Variants in PCDHA11 observed in about 807,000 individuals in gnomAD.
PCDHA11 encodes protocadherin alpha 11.
PCDHA11 carries 61 observed loss-of-function variants against 70.3 expected under a neutral mutation model. That is an observed-to-expected ratio of 0.87 (90% CI 0.71 to 1.07). The LOEUF (loss-of-function observed/expected upper bound fraction) is 1.07, where lower values mean the gene tolerates loss of function less well. PCDHA11 is among the 50% of genes least tolerant of loss of function. PCDHA11 has a pLI of 0.00. For missense variants in PCDHA11, 1,324 were observed against 1,237.5 expected, an observed-to-expected ratio of 1.07 and a Z score of -1.05; for synonymous variants, 633 against 555.1, an observed-to-expected ratio of 1.14 and a Z score of -1.97.
At chr5:141,000,421 ATTT>A (rs34755515) in intron 3 of PCDHA11, among the ~76,000 whole-genome samples, 361 of 27,888 alleles carry the variant, frequency 0.013, no homozygotes, top group East Asian at 0.018. Context: ...ATATATATAT[ATTT>A]TTTTTTTTTT....
At chr5:140,936,347 G>A (rs2090928614) in intron 1 of PCDHA11, among the ~76,000 whole-genome samples, 1 of 152,066 alleles carries the variant, frequency 6.6e-6, no homozygotes, top group South Asian at 2.1e-4. Flanking sequence ...CTGCATATAT[G>A]GAATGTGTAG....
intron 3 of PCDHA11, among the ~76,000 whole-genome samples, chr5:140,997,565 A>G (rs552009994): frequency 6.6e-6 from 1 of 152,292 alleles, no homozygotes; most frequent in South Asian, 2.1e-4. Flanking sequence ...CAACTGTCAT[A>G]TGTGTGGTCC....
chr5:140,984,386 A>G (rs2097099955), intron 3 of PCDHA11, among the ~76,000 whole-genome samples: 1 of 152,202 alleles, frequency 6.6e-6, no homozygotes, highest in South Asian at 2.1e-4. Flanking sequence ...TTCAGATTCA[A>G]AAAATGTTGA....
rs555714516 is a variant in PCDHA11, at chr5:140,983,025, A to T, written c.2539+462A>T. Among the ~76,000 whole-genome samples the T allele has an allele frequency of 9.9e-5, 15 of 151,964 alleles. 1 individual carries two copies. The South Asian group carries it at 2.9e-3, about 29-fold the overall frequency. ...AAGAAAAAGGAAGGAAGGAAGGAAG[A>T]TGGTTTCTCATGGAAGTGGAAAATT... On this transcript the variant is annotated intron_variant, in intron 3 of 3. Coordinates refer to ENST00000398640, the MANE Select transcript of PCDHA11 (RefSeq NM_018902.5).
intron 1 of PCDHA11, among the ~76,000 whole-genome samples, chr5:140,879,820 T>C (rs917285977): frequency 6.6e-6 from 1 of 152,232 alleles, no homozygotes; most frequent in Non-Finnish European, 1.5e-5. Flanking sequence ...CTGTTGGTGT[T>C]CCCTGGCTTG....
chr5:140,981,141 A>G (rs957272254), intron 2 of PCDHA11, among the ~76,000 whole-genome samples: 2 of 152,242 alleles, frequency 1.3e-5, no homozygotes, highest in African/African-American at 4.8e-5. Flanking sequence ...AAAGAGTGAG[A>G]AAACATTGAA....
At chr5:140,918,853 C>T (rs1348069562) in intron 1 of PCDHA11, among the ~76,000 whole-genome samples, 4 of 152,134 alleles carry the variant, frequency 2.6e-5, no homozygotes, top group Non-Finnish European at 5.9e-5. Context: ...CTGCTGGTGC[C>T]TGAATCATGA....
At chr5:140,967,150 C>T (rs1400431511) in intron 1 of PCDHA11, 1 of 1,611,004 alleles carries the variant, frequency 6.2e-7, no homozygotes, top group Non-Finnish European at 8.5e-7. Context: ...CGCACAACCC[C>T]GTGGCGGTGA....
rs782754440 is a variant in PCDHA11, at chr5:140,869,396, A to G, written c.293A>G (p.Gln98Arg). 3.2e-5 allele frequency: 51 copies of G among 1,614,230 alleles called. No homozygotes were observed. The highest frequency in any genetic ancestry group is 1.6e-4 in the Middle Eastern group (1 of 6,062). The change falls in exon 1 of 4, where the codon CAG (glutamine) becomes CGG (arginine). Residue 98 changes from glutamine (Q) to arginine (R), a missense_variant. Transcript: ENST00000398640. The part of the protein sequence containing the change: ...SRIDREELCG[Q>R]SAECSIHLEV... ...ATCGACCGCGAGGAGCTGTGCGGGC[A>G]GAGCGCGGAGTGCAGCATCCACCTG...
intron 3 of PCDHA11, among the ~76,000 whole-genome samples, chr5:140,999,034 T>A (rs953509791): frequency 6.6e-6 from 1 of 152,210 alleles, no homozygotes; most frequent in East Asian, 1.9e-4. Flanking sequence ...TGATACTTCG[T>A]CCAGTGTGCT....
At chr5:141,005,701 C>CA (rs59860837) in intron 3 of PCDHA11, among the ~76,000 whole-genome samples, 506 of 7,758 alleles carry the variant, frequency 0.065, 109 homozygotes, top group Non-Finnish European at 0.076. Context: ...AACTCCGTCT[C>CA]AAAAAAAAAA....
At chr5:140,877,992 A>G (rs572306139) in intron 1 of PCDHA11, 7 of 1,096,526 alleles carry the variant, frequency 6.4e-6, no homozygotes, top group Non-Finnish European at 8.6e-6. Flanking sequence ...TTGAACTTTT[A>G]TGTATTTGTC....
intron 1 of PCDHA11, among the ~76,000 whole-genome samples, chr5:140,894,986 A>G (rs1380930076): frequency 6.6e-6 from 1 of 152,194 alleles, no homozygotes; most frequent in Non-Finnish European, 1.5e-5. Flanking sequence ...ACTTTGTGAC[A>G]TCCTTTACCC....
At position 140,987,445 on chromosome 5, in the gene PCDHA11, G is replaced by A. The variant is rs141923390; in HGVS notation, c.2539+4882G>A. Among the ~76,000 whole-genome samples, 799 of 152,220 alleles carry A rather than the reference G, an allele frequency of 5.2e-3. 4 individuals carry two copies. The highest frequency in any genetic ancestry group is 0.018 in the African/African-American group (765 of 41,528). On this transcript the variant is annotated intron_variant, in intron 3 of 3. Transcript: ENST00000398640. ...AAGCAGGGGGCCTTTCCCCATGCCC[G>A]AGAGATAATTGTTAAGAGCTCAAGC...
intron 3 of PCDHA11, among the ~76,000 whole-genome samples, chr5:141,009,180 T>C (rs1272195338): frequency 6.6e-6 from 1 of 152,170 alleles, no homozygotes; most frequent in Non-Finnish European, 1.5e-5. Context: ...CTTGGCTGGG[T>C]GTGGTAGCTC....
At chr5:140,893,666 C>T (rs2064116335) in intron 1 of PCDHA11, among the ~76,000 whole-genome samples, 1 of 152,160 alleles carries the variant, frequency 6.6e-6, no homozygotes, top group African/African-American at 2.4e-5. Flanking sequence ...TAAAAAATTT[C>T]AGCACTTTGG....
chr5:140,967,472 G>A, intron 1 of PCDHA11: 1 of 1,613,430 alleles, frequency 6.2e-7, no homozygotes, highest in Non-Finnish European at 8.5e-7. Flanking sequence ...GGGCATCCCA[G>A]CCCGCTCGGG....
intron 1 of PCDHA11, chr5:140,876,457 T>C: frequency 6.2e-7 from 1 of 1,614,008 alleles, no homozygotes; most frequent in Non-Finnish European, 8.5e-7. Flanking sequence ...AGGGATTCCT[T>C]CCATGGCAGG....
At chr5:140,893,336 A>G (rs2063930718) in intron 1 of PCDHA11, among the ~76,000 whole-genome samples, 1 of 152,098 alleles carries the variant, frequency 6.6e-6, no homozygotes, top group Admixed American at 6.6e-5. Context: ...TGTTTTCCTT[A>G]GTGGCAGTGC....
Sources: allele counts gnomAD v4.1 joint callset (sites outside exome capture counted in the v4.1 genomes callset), GRCh38; gene constraint gnomAD v4.1.1; transcripts MANE v1.5; gene names NCBI Gene and HGNC (gene_info 2026-07-23, HGNC 2026-07-21).